Variants in INTS9 observed in about 807,000 individuals in gnomAD.
The protein encoded by INTS9 is integrator complex subunit 9, also known as protein related to CPSF subunits of 74 kDa.
Under a neutral mutation model 79.7 loss-of-function variants are expected in INTS9, and 55 were observed. That is an observed-to-expected ratio of 0.69 (90% CI 0.56 to 0.86). The LOEUF (loss-of-function observed/expected upper bound fraction) is 0.86. Among genes scored for constraint, INTS9 ranks in the 40% least tolerant of loss-of-function variants. The pLI is 0.00. For missense variants in INTS9, 721 were observed against 831.5 expected (o/e 0.87, Z 1.64); for synonymous variants, 319 against 325.2 (o/e 0.98, Z 0.20).
intron 8 of INTS9, among the ~76,000 whole-genome samples, chr8:28,804,436 T>G (rs1343343013): frequency 3.3e-5 from 5 of 152,102 alleles, no homozygotes; most frequent in African/African-American, 9.7e-5. Context: ...CGTATTACAG[T>G]TGGCAGATTG....
chr8:28,802,794 C>T (rs1804594187), intron 8 of INTS9, among the ~76,000 whole-genome samples: 1 of 152,094 alleles, frequency 6.6e-6, no homozygotes, highest in Admixed American at 6.6e-5. Context: ...GTAAGGACAT[C>T]AGTGTCACAT....
intron 3 of INTS9, among the ~76,000 whole-genome samples, chr8:28,849,047 G>A (rs899659843): frequency 6.6e-6 from 1 of 152,098 alleles, no homozygotes. Context: ...TTGAGGCTAG[G>A]GTGCAGTTAC....
intron 14 of INTS9, among the ~76,000 whole-genome samples, chr8:28,774,899 G>T (rs1802778644): frequency 6.6e-6 from 1 of 152,122 alleles, no homozygotes; most frequent in African/African-American, 2.4e-5. Context: ...TGCCACAGCT[G>T]TTCAACATGG....
intron 8 of INTS9, among the ~76,000 whole-genome samples, chr8:28,811,767 T>C (rs571816177): frequency 1.3e-5 from 2 of 152,290 alleles, no homozygotes; most frequent in South Asian, 4.1e-4. Context: ...GATCTTCCCA[T>C]TGGCTTTCCT....
At chr8:28,830,266 G>C (rs1315946028) in intron 6 of INTS9, among the ~76,000 whole-genome samples, 1 of 152,104 alleles carries the variant, frequency 6.6e-6, no homozygotes, top group East Asian at 1.9e-4. Flanking sequence ...AGCACTTTTA[G>C]AACTCTGGTC....
chr8:28,788,323 T>G (rs563863917), intron 10 of INTS9, among the ~76,000 whole-genome samples: 1 of 152,330 alleles, frequency 6.6e-6, no homozygotes, highest in South Asian at 2.1e-4. Context: ...CCCTTTTCTG[T>G]TCCAGGATCC....
intron 8 of INTS9, among the ~76,000 whole-genome samples, chr8:28,807,073 G>A (rs241160): frequency 0.4 from 60,894 of 151,942 alleles, 13,459 homozygotes; most frequent in Non-Finnish European, 0.5. Context: ...ACAAACTTCT[G>A]GCAAGTCTGA....
intron 2 of INTS9, among the ~76,000 whole-genome samples, chr8:28,858,799 T>C (rs1808304607): frequency 6.6e-6 from 1 of 152,250 alleles, no homozygotes; most frequent in Admixed American, 6.5e-5. Flanking sequence ...TCCTATCTTG[T>C]ATGTGGTGTC....
At chr8:28,833,775 T>C (rs1057084160) in intron 6 of INTS9, among the ~76,000 whole-genome samples, 1 of 151,946 alleles carries the variant, frequency 6.6e-6, no homozygotes, top group African/African-American at 2.4e-5. Context: ...GAAGGCAGAA[T>C]TGCTAAGGTT....
chr8:28,793,876 C>T lies in INTS9; in HGVS notation c.968G>A (p.Ser323Asn). ...YQYIDSAGLSSVPLYFISPVA... is the reference protein window; with the variant it reads ...YQYIDSAGLSNVPLYFISPVA... ...AGGGGAGATGAAGTAGAGGGGGACG[C>T]TGGAAAGCCCGGCTGAGTCGATGTA... Residue 323 changes from serine (S) to asparagine (N), a missense_variant, in exon 10 of 17, where the codon AGC (serine) becomes AAC (asparagine). Physicochemically the swap from Ser to Asn is conservative, Grantham distance 46. Transcript: ENST00000521022. The T allele has an allele frequency of 6.2e-7, 1 of 1,613,788 alleles. No individual in the cohort carries two copies. Among genetic ancestry groups the T allele is most frequent in the Non-Finnish European group, 8.5e-7 (1 of 1,179,948 alleles).
intron 1 of INTS9, among the ~76,000 whole-genome samples, chr8:28,883,157 C>G (rs751528529): frequency 1.6e-4 from 24 of 152,204 alleles, no homozygotes; most frequent in Non-Finnish European, 3.4e-4. Context: ...GCCATCTACC[C>G]ACACTTCCCC....
chr8:28,870,494 A>G (rs1809028785), intron 1 of INTS9, among the ~76,000 whole-genome samples: 1 of 152,070 alleles, frequency 6.6e-6, no homozygotes, highest in Non-Finnish European at 1.5e-5. Flanking sequence ...TGGTTAACGA[A>G]ATGGTAAAAC....
At chr8:28,843,865 G>GATTA (rs1807340033) in intron 4 of INTS9, among the ~76,000 whole-genome samples, 1 of 151,854 alleles carries the variant, frequency 6.6e-6, no homozygotes, top group African/African-American at 2.4e-5. Context: ...TCCTTGTAAT[G>GATTA]TCATGACTTT....
chr8:28,850,078 G>C, intron 3 of INTS9, 135 bp downstream of exon 3: 1 of 634,354 alleles, frequency 1.6e-6, no homozygotes, highest in Non-Finnish European at 2.8e-6. Flanking sequence ...GAAGACCCTA[G>C]CATAGATCTT....
chr8:28,810,131 C>T (rs535276527), intron 8 of INTS9: 2 of 152,388 alleles, frequency 1.3e-5, no homozygotes, highest in South Asian at 2.1e-4. Flanking sequence ...ACCCACTGGA[C>T]TTTGTGTAAG....
intron 1 of INTS9, chr8:28,862,130 T>G: frequency 1.0e-6 from 1 of 985,474 alleles, no homozygotes; most frequent in Non-Finnish European, 1.2e-6. Flanking sequence ...CCAGACCCTG[T>G]GGCCTCCAGC....
chr8:28,806,473 C>A lies in INTS9; in HGVS notation c.744+5854G>T, dbSNP rs935879986. Among the ~76,000 whole-genome samples, 12 of 152,262 alleles carry A rather than the reference C, an allele frequency of 7.9e-5. No individual in the cohort carries two copies. In the South Asian group the frequency reaches 2.5e-3, roughly 32 times the overall value. ...AACAGATAAATCAACAACTAACACACCCTTTTCAGAAATCAGTAGCTAAGC... is the reference window on the plus strand; with the variant it reads ...AACAGATAAATCAACAACTAACACAACCTTTTCAGAAATCAGTAGCTAAGC... On this transcript the variant is annotated intron_variant, in intron 8 of 16. Coordinates refer to ENST00000521022, the MANE Select transcript of INTS9 (RefSeq NM_018250.4).
chr8:28,809,455 C>G lies in INTS9; in HGVS notation c.744+2872G>C, dbSNP rs139246071. On this transcript the variant is annotated intron_variant, in intron 8 of 16. Transcript: ENST00000521022. The stretch of plus-strand genomic sequence containing the variant: ...GCCAATTCAATACACAATCCAATTA[C>G]GTGGGTAGAGAAAAATCTAATTTTT... 8.4e-3 allele frequency among the ~76,000 whole-genome samples: 1,273 copies of G among 152,248 alleles called. 11 individuals are homozygous for G. Among genetic ancestry groups the G allele is most frequent in the African/African-American group, 0.029 (1,211 of 41,524 alleles).
chr8:28,793,812 A>G lies in INTS9; in HGVS notation c.1032T>C (p.Ala344=), dbSNP rs189006537. ...AAAAAAAACCACGGACATACCACTC[A>G]GCAAAGATCTGGGAAAACTCCAGTG... ...NSSLEFSQIF[A]EWLCHNKQSK... Residue 344 remains alanine (A), a synonymous_variant, in exon 10 of 17, where the codon GCT becomes GCC. Transcript: ENST00000521022. 156 of 1,597,016 alleles carry G rather than the reference A, an allele frequency of 9.8e-5. No individual in the cohort carries two copies. The East Asian group carries it at 2.4e-3, about 25-fold the overall frequency.
Sources: gnomAD v4.1 joint callset for allele counts (sites outside exome capture counted in the v4.1 genomes callset) on GRCh38, gnomAD v4.1.1 for gene constraint, MANE v1.5 for transcripts, NCBI Gene and HGNC (gene_info 2026-07-23, HGNC 2026-07-21) for gene names.